PBRM1: variants seen among roughly 807,000 people sequenced by gnomAD.
The protein encoded by PBRM1 is protein polybromo-1.
In PBRM1, 27 loss-of-function variants were observed where a neutral mutation model predicts 194.5. That is an observed-to-expected ratio of 0.14 (90% CI 0.10 to 0.19). PBRM1 has a LOEUF of 0.19. Ranked by LOEUF, PBRM1 falls within the 10% of genes least tolerant of loss-of-function variation. The pLI is 1.00. For missense variants in PBRM1, 1,466 were observed against 2,077.2 expected (o/e 0.71, Z 5.72); for synonymous variants, 655 against 693.2 (o/e 0.94, Z 0.87).
At chr3:52,684,001 T>C (rs1303918166), upstream of PBRM1, among the ~76,000 whole-genome samples, 1 of 151,864 alleles carries the variant, frequency 6.6e-6, no homozygotes, top group Non-Finnish European at 1.5e-5. Context: ...ATTGATCTTT[T>C]CTCTACAAAA....
chr3:52,641,446 C>CAAAAAAAAAAAAAAAAAAAAAAAAA (rs386396638), intron 10 of PBRM1, among the ~76,000 whole-genome samples: 3 of 69,918 alleles, frequency 4.3e-5, no homozygotes, highest in Admixed American at 3.5e-4. Flanking sequence ...GACTCCATCT[C>CAAAAAAAAAAAAAAAAAAAAAAAAA]AAAAAAAAAA....
intron 5 of PBRM1, among the ~76,000 whole-genome samples, chr3:52,657,982 G>A (rs2096640712): frequency 6.7e-6 from 1 of 149,644 alleles, no homozygotes; most frequent in African/African-American, 2.5e-5. Flanking sequence ...TAGTAGAGAT[G>A]GGGTTTCTCC....
chr3:52,650,361 C>CAAAAAAAAAA (rs776692798), intron 6 of PBRM1, among the ~76,000 whole-genome samples: 1 of 35,658 alleles, frequency 2.8e-5, no homozygotes, highest in Non-Finnish European at 6.1e-5. Context: ...AAGACTGTCT[C>CAAAAAAAAAA]AAAAAAAAAA....
intron 13 of PBRM1, 69 bp downstream of exon 14, chr3:52,627,204 T>C (rs1488603514): frequency 1.4e-5 from 11 of 797,882 alleles, no homozygotes; most frequent in Non-Finnish European, 2.3e-5. Context: ...AAAATATATA[T>C]TTTCTTCACT....
chr3:52,561,943 C>A (rs2153494543), exon 25 of PBRM1: 7 of 1,614,038 alleles, frequency 4.3e-6, no homozygotes, highest in Non-Finnish European at 5.9e-6. Flanking sequence ...CTTCTTTGCA[C>A]TGCCTTTGGC....
At chr3:52,653,739 G>A (rs1225191521) in intron 5 of PBRM1, among the ~76,000 whole-genome samples, 1 of 151,648 alleles carries the variant, frequency 6.6e-6, no homozygotes, top group Non-Finnish European at 1.5e-5. Flanking sequence ...GTGAAACCCC[G>A]TCTCTACTAA....
At chr3:52,555,481 A>G (rs1302633179) in intron 26 of PBRM1, among the ~76,000 whole-genome samples, 1 of 152,210 alleles carries the variant, frequency 6.6e-6, no homozygotes, top group Non-Finnish European at 1.5e-5. Context: ...AACAGCTTCT[A>G]AGAACCATCA....
At chr3:52,597,355 T>G (rs899807573) in intron 17 of PBRM1, among the ~76,000 whole-genome samples, 1 of 152,210 alleles carries the variant, frequency 6.6e-6, no homozygotes, top group African/African-American at 2.4e-5. Context: ...GAGGCTTCTA[T>G]TCGGCCATCT....
chr3:52,634,837 T>C (rs1230610793), intron 10 of PBRM1, 22 bp from the exon 12 acceptor site: 1 of 1,542,100 alleles, frequency 6.5e-7, no homozygotes, highest in African/African-American at 1.4e-5. Flanking sequence ...AAAAAAGTAT[T>C]TATAAAGGGA....
intron 17 of PBRM1, among the ~76,000 whole-genome samples, chr3:52,602,722 T>C (rs1257219779): frequency 1.3e-5 from 2 of 152,354 alleles, no homozygotes; most frequent in South Asian, 4.1e-4. Context: ...GAGTATATCA[T>C]ATATCTCCTT....
At chr3:52,588,846 G>A (rs1460203467) in intron 18 of PBRM1, among the ~76,000 whole-genome samples, 5 of 152,218 alleles carry the variant, frequency 3.3e-5, no homozygotes, top group South Asian at 2.1e-4. Context: ...GTGAGCCACC[G>A]CGCCCGACCT....
chr3:52,600,538 T>C (rs1456937788), intron 17 of PBRM1, among the ~76,000 whole-genome samples: 1 of 152,252 alleles, frequency 6.6e-6, no homozygotes, highest in Non-Finnish European at 1.5e-5. Context: ...TGATGTCTAT[T>C]TGATAAAGTT....
intron 10 of PBRM1, among the ~76,000 whole-genome samples, chr3:52,639,388 A>G (rs1256909835): frequency 6.6e-6 from 1 of 152,042 alleles, no homozygotes; most frequent in Non-Finnish European, 1.5e-5. Context: ...GGGTTTTAAC[A>G]GAATAACTTT....
At chr3:52,582,552 G>C (rs2153717335) in intron 20 of PBRM1, among the ~76,000 whole-genome samples, 1 of 151,432 alleles carries the variant, frequency 6.6e-6, no homozygotes, top group East Asian at 2.0e-4. Flanking sequence ...TGGGATTATA[G>C]GCACCTGCCA....
intron 13 of PBRM1, among the ~76,000 whole-genome samples, chr3:52,623,631 T>G (rs2095351624): frequency 6.6e-6 from 1 of 152,240 alleles, no homozygotes; most frequent in African/African-American, 2.4e-5. Context: ...CTACATTTAC[T>G]GAGTACTCAG....
chr3:52,685,598 G>GC (rs988229716), intron 1 of PBRM1, 151 bp downstream of exon 1: 25 of 150,130 alleles, frequency 1.7e-4, no homozygotes, highest in Admixed American at 8.6e-4. Context: ...CAGCCGCCGC[G>GC]CCCCGCCCAA....
At chr3:52,566,747 C>T (rs545071258) in intron 22 of PBRM1, among the ~76,000 whole-genome samples, 5 of 152,146 alleles carry the variant, frequency 3.3e-5, no homozygotes, top group Admixed American at 3.3e-4. Flanking sequence ...GATAGCTGTA[C>T]GGTATTGTCA....
intron 13 of PBRM1, among the ~76,000 whole-genome samples, chr3:52,619,560 G>C (rs1576874967): frequency 6.6e-6 from 1 of 152,244 alleles, no homozygotes; most frequent in East Asian, 1.9e-4. Context: ...TGGATACAGA[G>C]GGCCAACTGT....
upstream of PBRM1, among the ~76,000 whole-genome samples, chr3:52,684,349 A>C (rs1398058381): frequency 6.6e-6 from 1 of 152,162 alleles, no homozygotes; most frequent in African/African-American, 2.4e-5. Flanking sequence ...AAGAATACTT[A>C]ATAATGTGCA....
Sources: allele counts gnomAD v4.1 joint callset (sites outside exome capture counted in the v4.1 genomes callset), GRCh38; gene constraint gnomAD v4.1.1; transcripts MANE v1.5; gene names NCBI Gene and HGNC (gene_info 2026-07-23, HGNC 2026-07-21).